Variants in MAGI1 observed in about 807,000 individuals in gnomAD.
The protein encoded by MAGI1 is membrane associated guanylate kinase, WW and PDZ domain containing 1.
MAGI1 carries 58 observed loss-of-function variants against 139.9 expected under a neutral mutation model. The ratio of observed to expected loss-of-function variants is 0.41; its 90% confidence interval spans 0.34 to 0.52. The LOEUF (loss-of-function observed/expected upper bound fraction) is 0.52, where lower values mean the gene tolerates loss of function less well. Among genes scored for constraint, MAGI1 ranks in the 20% least tolerant of loss-of-function variants. The pLI is 0.12. For missense variants in MAGI1, 1,874 were observed against 1,901.6 expected, an observed-to-expected ratio of 0.99 and a Z score of 0.27; for synonymous variants, 812 against 737.9, an observed-to-expected ratio of 1.10 and a Z score of -1.63.
intron 3 of MAGI1, among the ~76,000 whole-genome samples, chr3:65,484,217 G>C (rs1951474020): frequency 6.6e-6 from 1 of 152,142 alleles, no homozygotes; most frequent in Non-Finnish European, 1.5e-5. Flanking sequence ...TTGGGACAGA[G>C]AAAATCATTC....
intron 1 of MAGI1, among the ~76,000 whole-genome samples, chr3:65,984,680 C>T (rs1224135767): frequency 6.8e-6 from 1 of 148,092 alleles, no homozygotes; most frequent in Non-Finnish European, 1.5e-5. Flanking sequence ...GGACCACAGG[C>T]ATGCACCACC....
chr3:65,953,766 A>G (rs1270967014), intron 1 of MAGI1, among the ~76,000 whole-genome samples: 4 of 152,236 alleles, frequency 2.6e-5, no homozygotes, highest in African/African-American at 4.8e-5. Flanking sequence ...GCCACTCTGT[A>G]GCACCGAAAG....
chr3:66,015,223 A>G (rs2067564520), intron 1 of MAGI1, among the ~76,000 whole-genome samples: 1 of 152,088 alleles, frequency 6.6e-6, no homozygotes. Flanking sequence ...TAGAAATACA[A>G]AGACATAATA....
chr3:65,968,589 T>C (rs1041923337), intron 1 of MAGI1, among the ~76,000 whole-genome samples: 1 of 151,184 alleles, frequency 6.6e-6, no homozygotes, highest in Admixed American at 6.6e-5. Context: ...ACACAGATTC[T>C]CTATATAATA....
At chr3:65,522,218 A>C (rs1274868585) in intron 2 of MAGI1, among the ~76,000 whole-genome samples, 2 of 152,222 alleles carry the variant, frequency 1.3e-5, no homozygotes, top group African/African-American at 2.4e-5. Flanking sequence ...CTTCACTGCA[A>C]GACTTCTCAA....
chr3:65,504,223 G>C (rs1424134779), intron 2 of MAGI1, among the ~76,000 whole-genome samples: 1 of 152,096 alleles, frequency 6.6e-6, no homozygotes, highest in Non-Finnish European at 1.5e-5. Flanking sequence ...GGTAACTACT[G>C]CTCTGACTAT....
intron 1 of MAGI1, among the ~76,000 whole-genome samples, chr3:65,800,229 C>G (rs1204361236): frequency 6.6e-6 from 1 of 152,154 alleles, no homozygotes; most frequent in Non-Finnish European, 1.5e-5. Context: ...AGTGCTAATC[C>G]TGATCATCAG....
chr3:65,819,282 T>C (rs36010335), intron 1 of MAGI1, among the ~76,000 whole-genome samples: 88,200 of 151,926 alleles, frequency 0.58, 26,346 homozygotes, highest in East Asian at 0.93. Context: ...TGAAATTCCA[T>C]CTCAAAAAAC....
intron 1 of MAGI1, among the ~76,000 whole-genome samples, chr3:65,799,578 A>G (rs1036304338): frequency 2.9e-4 from 44 of 152,200 alleles, no homozygotes; most frequent in Admixed American, 2.6e-3. Context: ...TTTATCATAC[A>G]TATGTATGTA....
intron 1 of MAGI1, among the ~76,000 whole-genome samples, chr3:65,952,644 C>A (rs1036958973): frequency 6.6e-6 from 1 of 152,166 alleles, no homozygotes; most frequent in South Asian, 2.1e-4. Context: ...AAAACCCCAT[C>A]TCTACTAAAG....
intron 1 of MAGI1, among the ~76,000 whole-genome samples, chr3:65,664,905 T>C (rs948161219): frequency 1.3e-5 from 2 of 152,170 alleles, no homozygotes; most frequent in South Asian, 2.1e-4. Flanking sequence ...GAAGTCTATA[T>C]AGTGTTTCTA....
chr3:65,387,774 T>G (rs1241987264), intron 14 of MAGI1, among the ~76,000 whole-genome samples: 1 of 152,224 alleles, frequency 6.6e-6, no homozygotes, highest in East Asian at 1.9e-4. Flanking sequence ...ATAATTGCTC[T>G]TAAAATCTGG....
rs112957195 is a variant in MAGI1, at chr3:65,622,819, G to A, written c.314-731C>T. ...CGGCCTCAAGTGATCCGCCCGCCTC[G>A]GCCTCCCAAAGTGTTGGGATTACAG... On this transcript the variant is annotated intron_variant, in intron 1 of 22. Transcript: ENST00000402939. 2.9e-3 allele frequency among the ~76,000 whole-genome samples: 436 copies of A among 152,088 alleles called. 2 individuals carry two copies. Among genetic ancestry groups the A allele is most frequent in the African/African-American group, 9.7e-3 (401 of 41,516 alleles).
chr3:66,018,425 G>A (rs1044975828), intron 1 of MAGI1, among the ~76,000 whole-genome samples: 3 of 152,156 alleles, frequency 2.0e-5, no homozygotes, highest in African/African-American at 7.2e-5. Flanking sequence ...CAAAATTCTA[G>A]GCTAAGTGGC....
intron 1 of MAGI1, among the ~76,000 whole-genome samples, chr3:65,675,680 T>C (rs1383082892): frequency 1.3e-5 from 2 of 152,244 alleles, no homozygotes; most frequent in African/African-American, 2.4e-5. Context: ...GCGGCACATG[T>C]ACCTCTAGTT....
At chr3:65,468,976 A>AATAAATAAATAAATAC (rs1950374195) in intron 5 of MAGI1, among the ~76,000 whole-genome samples, 2 of 151,146 alleles carry the variant, frequency 1.3e-5, no homozygotes, top group African/African-American at 4.8e-5. Flanking sequence ...TAAATAAATA[A>AATAAATAAATAAATAC]ATAAATAAAT....
At chr3:65,746,420 T>C (rs1175334508) in intron 1 of MAGI1, among the ~76,000 whole-genome samples, 1 of 152,216 alleles carries the variant, frequency 6.6e-6, no homozygotes, top group African/African-American at 2.4e-5. Flanking sequence ...AATTCTCCTA[T>C]ATAGGATGAT....
At chr3:65,489,779 A>T (rs1259190512) in intron 3 of MAGI1, among the ~76,000 whole-genome samples, 1 of 152,230 alleles carries the variant, frequency 6.6e-6, no homozygotes, top group Admixed American at 6.5e-5. Flanking sequence ...AGTTTTCTGA[A>T]TATTTGCACT....
At chr3:65,838,912 A>T (rs2058716963) in intron 1 of MAGI1, among the ~76,000 whole-genome samples, 1 of 152,164 alleles carries the variant, frequency 6.6e-6, no homozygotes, top group Admixed American at 6.5e-5. Flanking sequence ...CTTTTATTTC[A>T]GCTGTTCTCT....
Sources: allele counts gnomAD v4.1 joint callset (sites outside exome capture counted in the v4.1 genomes callset), GRCh38; gene constraint gnomAD v4.1.1; transcripts MANE v1.5; gene names NCBI Gene and HGNC (gene_info 2026-07-23, HGNC 2026-07-21).